COMMD6: variants seen among roughly 807,000 people sequenced by gnomAD.
The protein encoded by COMMD6 is COMM domain-containing protein 6.
COMMD6 carries 11 observed loss-of-function variants against 13.4 expected under a neutral mutation model. That is an observed-to-expected ratio of 0.82 (90% CI 0.52 to 1.36). The LOEUF is 1.36. Ranked by LOEUF, COMMD6 falls within the 40% of genes most tolerant of loss-of-function variation. The pLI is 0.00. For missense variants in COMMD6, 124 were observed against 102.4 expected, an observed-to-expected ratio of 1.21 and a Z score of -0.91; for synonymous variants, 43 against 36.5, an observed-to-expected ratio of 1.18 and a Z score of -0.64.
chr13:75,537,250 C>T (rs2030700287), intron 2 of COMMD6: 2 of 1,371,612 alleles, frequency 1.5e-6, no homozygotes, highest in South Asian at 2.8e-5. Context: ...ATATTCCTAG[C>T]ATTATAAATG....
chr13:75,538,260 C>T (rs189194153), upstream of COMMD6, among the ~76,000 whole-genome samples: 1 of 152,328 alleles, frequency 6.6e-6, no homozygotes, highest in Non-Finnish European at 1.5e-5. Flanking sequence ...TGAGCTGCTT[C>T]GCTGGCCTAG....
chr13:75,535,159 A>G (rs1051310935), intron 2 of COMMD6, among the ~76,000 whole-genome samples: 1 of 151,514 alleles, frequency 6.6e-6, no homozygotes, highest in Admixed American at 6.6e-5. Context: ...CCTGGAGAAA[A>G]GAGCATTCTG....
rs982944571 is a variant in COMMD6 at position 75,526,650 on chromosome 13, A to G, written c.208-11T>C. ...CTGTCTGTAGAAATTCTGGAGAGAA[A>G]GGGGGAAAATAATATTAATTTTGCT... On this transcript the variant is annotated splice_polypyrimidine_tract_variant and intron_variant, in intron 3 of 3. Transcript: ENST00000682242. 6.3e-6 allele frequency: 10 copies of G among 1,586,504 alleles called. No homozygotes were observed. The highest frequency in any genetic ancestry group is 8.6e-6 in the Non-Finnish European group (10 of 1,158,940).
chr13:75,531,279 G>A (rs1430251901), intron 2 of COMMD6, among the ~76,000 whole-genome samples: 1 of 152,110 alleles, frequency 6.6e-6, no homozygotes, highest in Non-Finnish European at 1.5e-5. Context: ...TTGAGCTTGA[G>A]GACTATGGTG....
intron 3 of COMMD6, among the ~76,000 whole-genome samples, chr13:75,528,706 G>C (rs1161250396): frequency 6.6e-6 from 1 of 151,976 alleles, no homozygotes; most frequent in African/African-American, 2.4e-5. Flanking sequence ...GCTGGGCGTG[G>C]TGCTGCGTGC....
At chr13:75,548,215 T>C (rs1029587441) in intron 1 of COMMD6, among the ~76,000 whole-genome samples, 1 of 152,228 alleles carries the variant, frequency 6.6e-6, no homozygotes, top group Non-Finnish European at 1.5e-5. Flanking sequence ...AATGTAACTC[T>C]AGTGATAATG....
upstream of COMMD6, among the ~76,000 whole-genome samples, chr13:75,542,689 AAGG>A (rs1403094373): frequency 4.6e-5 from 7 of 152,224 alleles, no homozygotes. Context: ...CTGACTTTAA[AAGG>A]AGGACAGTTT....
rs762463758 is a variant in COMMD6 at position 75,530,148 on chromosome 13, G to T, written c.173C>A (p.Thr58Asn). 2.5e-6 allele frequency: 4 copies of T among 1,613,476 alleles called. No individual in the cohort carries two copies. The highest frequency in any genetic ancestry group is 3.4e-6 in the Non-Finnish European group (4 of 1,179,680). Residue 58 changes from threonine (T) to asparagine (N), a missense_variant, in exon 3 of 4, where the codon ACC becomes AAC. Thr to Asn is a moderately conservative substitution (Grantham distance 65). Transcript: ENST00000682242. ...KVADHSGQVK[T>N]KCFEMTIPQF... ...TGGAATCGTCATTTCAAAGCACTTG[G>T]TCTTTACTTGGCCTGAATGATCTGC...
upstream of COMMD6, among the ~76,000 whole-genome samples, chr13:75,540,371 C>CAG (rs1555271323): frequency 6.0e-5 from 9 of 150,684 alleles, no homozygotes; most frequent in Middle Eastern, 3.4e-3. Context: ...CACACACACA[C>CAG]AGACACACAC....
chr13:75,548,678 C>T (rs1322484660), intron 1 of COMMD6, among the ~76,000 whole-genome samples: 1 of 152,198 alleles, frequency 6.6e-6, no homozygotes, highest in Non-Finnish European at 1.5e-5. Context: ...ATCTGATCAT[C>T]CCATTTATTC....
At chr13:75,542,976 A>G (rs2030849640), upstream of COMMD6, among the ~76,000 whole-genome samples, 1 of 152,250 alleles carries the variant, frequency 6.6e-6, no homozygotes, top group African/African-American at 2.4e-5. Context: ...AAATGTACAT[A>G]TACACCATGG....
intron 3 of COMMD6, among the ~76,000 whole-genome samples, chr13:75,528,236 T>C (rs1184944052): frequency 6.6e-6 from 1 of 152,026 alleles, no homozygotes; most frequent in Non-Finnish European, 1.5e-5. Context: ...ATTTTTTTTT[T>C]CCTATAGGAA....
upstream of COMMD6, chr13:75,538,693 ATAAG>A (rs769938507): frequency 1.3e-5 from 2 of 152,232 alleles, no homozygotes; most frequent in Non-Finnish European, 2.9e-5. Context: ...TCTCTAATAA[ATAAG>A]TCAAATTAAA....
At chr13:75,539,229 C>G (rs80241795), upstream of COMMD6, among the ~76,000 whole-genome samples, 1 of 88,744 alleles carries the variant, frequency 1.1e-5, no homozygotes, top group Non-Finnish European at 2.3e-5. Context: ...AAACAATTAA[C>G]TTTTTTTTTT....
chr13:75,539,569 A>C (rs1441822084), upstream of COMMD6, among the ~76,000 whole-genome samples: 1 of 152,064 alleles, frequency 6.6e-6, no homozygotes. Flanking sequence ...AAGGTACATA[A>C]ATTTTAATTA....
At chr13:75,545,226 A>G (rs2030888796) in intron 1 of COMMD6, among the ~76,000 whole-genome samples, 1 of 152,228 alleles carries the variant, frequency 6.6e-6, no homozygotes, top group Non-Finnish European at 1.5e-5. Context: ...GAGTAGTCAA[A>G]GTGAAGTGCC....
At chr13:75,541,048 C>T (rs1022115969), upstream of COMMD6, among the ~76,000 whole-genome samples, 1 of 152,136 alleles carries the variant, frequency 6.6e-6, no homozygotes, top group African/African-American at 2.4e-5. Context: ...TCTGCATATA[C>T]TCAAGTCCTA....
In COMMD6 at chr13:75,530,226, G is replaced by C; in HGVS notation, c.95C>G (p.Ser32Ter). Residue 32 changes from serine to a stop codon, truncating the protein, a stop_gained, in exon 3 of 4, where the codon TCA becomes TGA. Transcript: ENST00000682242. LOFTEE classifies it high-confidence loss of function. ...FQWKLGMAVS[S>*]DTCRSLKYPY... ...ATACTTAAGAGATCTGCAAGTGTCT[G>C]AGCTCACAGCCATACCCAGTTTCCA... 6.2e-7 allele frequency: 1 copy of C among 1,613,624 alleles called. No homozygotes were observed. Among genetic ancestry groups the C allele is most frequent in the Non-Finnish European group, 8.5e-7 (1 of 1,179,770 alleles).
intron 3 of COMMD6, chr13:75,529,834 G>T: frequency 3.6e-6 from 1 of 274,276 alleles, no homozygotes. Flanking sequence ...TAAATATCCT[G>T]CCATTGAAGA....
Sources: gnomAD v4.1 joint callset for allele counts (sites outside exome capture counted in the v4.1 genomes callset) on GRCh38, gnomAD v4.1.1 for gene constraint, MANE v1.5 for transcripts, NCBI Gene and HGNC (gene_info 2026-07-23, HGNC 2026-07-21) for gene names.